The following LAMA2 variants were observed in gnomAD, a reference collection of about 807,000 sequenced individuals.
LAMA2 encodes the protein laminin subunit alpha-2.
In LAMA2, 269 loss-of-function variants were observed where a neutral mutation model predicts 364.8. The ratio of observed to expected loss-of-function variants is 0.74; its 90% CI spans 0.67 to 0.82. The LOEUF is 0.82. LAMA2 is among the 40% of genes least tolerant of loss of function. The probability of loss-of-function intolerance (pLI) is 0.00; values close to 1 mark genes in which losing one functional copy is unlikely to be tolerated. For missense variants in LAMA2, 3,807 were observed against 3,873.2 expected (o/e 0.98, Z 0.45); for synonymous variants, 1,379 against 1,370.6 (o/e 1.01, Z -0.14).
At chr6:129,407,689 G>A (rs1052890509) in intron 40 of LAMA2, among the ~76,000 whole-genome samples, 7 of 152,262 alleles carry the variant, frequency 4.6e-5, no homozygotes, top group South Asian at 2.1e-4. Context: ...GCACCTCAGC[G>A]GGTCATGGCT....
At chr6:129,159,063 G>T in intron 8 of LAMA2, 2 of 1,580,384 alleles carry the variant, frequency 1.3e-6, no homozygotes, top group Non-Finnish European at 1.7e-6. Flanking sequence ...CCTTGAACAC[G>T]AGAAATGATG....
intron 2 of LAMA2, among the ~76,000 whole-genome samples, chr6:129,057,302 C>T (rs1382991777): frequency 2.2e-4 from 33 of 152,196 alleles, no homozygotes; most frequent in Non-Finnish European, 1.5e-5. Flanking sequence ...AAGATGTTCT[C>T]ACTGGTCCGT....
intron 32 of LAMA2, among the ~76,000 whole-genome samples, chr6:129,356,246 C>T (rs1340470535): frequency 6.6e-6 from 1 of 152,114 alleles, no homozygotes; most frequent in Non-Finnish European, 1.5e-5. Flanking sequence ...TTAGACATCA[C>T]AGTCTCTCAT....
At chr6:129,274,516 T>C (rs1056961147) in intron 17 of LAMA2, among the ~76,000 whole-genome samples, 3 of 151,992 alleles carry the variant, frequency 2.0e-5, no homozygotes, top group African/African-American at 7.2e-5. Context: ...TAATCCCTGG[T>C]CATAAATCTT....
chr6:129,200,203 C>T (rs1422485804), intron 12 of LAMA2, among the ~76,000 whole-genome samples: 1 of 135,906 alleles, frequency 7.4e-6, no homozygotes, highest in East Asian at 2.4e-4. Context: ...TACATGTACA[C>T]ATATACATGT....
chr6:129,245,250 A>G (rs889990791), intron 12 of LAMA2, among the ~76,000 whole-genome samples: 2 of 152,168 alleles, frequency 1.3e-5, no homozygotes, highest in African/African-American at 4.8e-5. Context: ...AAAGAGATAT[A>G]ATTTTCATCC....
At chr6:129,510,743 G>T (rs1786507353) in intron 62 of LAMA2, among the ~76,000 whole-genome samples, 1 of 152,054 alleles carries the variant, frequency 6.6e-6, no homozygotes, top group Non-Finnish European at 1.5e-5. Context: ...CAGCATTTGA[G>T]CAAGGCTTCA....
chr6:129,436,313 A>C (rs1781830994), intron 41 of LAMA2, among the ~76,000 whole-genome samples: 1 of 152,118 alleles, frequency 6.6e-6, no homozygotes, highest in African/African-American at 2.4e-5. Context: ...ACCATGCCAA[A>C]TGCTTGTATA....
chr6:128,934,433 A>T (rs533247411), intron 1 of LAMA2, among the ~76,000 whole-genome samples: 29 of 152,208 alleles, frequency 1.9e-4, no homozygotes, highest in Non-Finnish European at 3.5e-4. Context: ...GTGATTTCAT[A>T]TGAATTTTAA....
chr6:129,260,004 G>A (rs1386028558), intron 14 of LAMA2, among the ~76,000 whole-genome samples: 1 of 152,114 alleles, frequency 6.6e-6, no homozygotes, highest in African/African-American at 2.4e-5. Flanking sequence ...GTGTGTGACA[G>A]CATTTTTTTC....
chr6:129,020,102 GAAA>G (rs57907508), intron 1 of LAMA2, among the ~76,000 whole-genome samples: 287 of 134,172 alleles, frequency 2.1e-3, no homozygotes, highest in Middle Eastern at 7.6e-3. Context: ...GAAAAAAAAA[GAAA>G]AAAAAAAAAA....
intron 39 of LAMA2, 74 bp downstream of exon 39, chr6:129,402,561 G>C: frequency 7.1e-7 from 1 of 1,405,612 alleles, no homozygotes; most frequent in Non-Finnish European, 1.0e-6. Flanking sequence ...ATAAATAGTA[G>C]AGAATCATTT....
At chr6:129,105,420 C>T (rs1276885313) in intron 4 of LAMA2, among the ~76,000 whole-genome samples, 1 of 152,106 alleles carries the variant, frequency 6.6e-6, no homozygotes, top group Non-Finnish European at 1.5e-5. Flanking sequence ...CACCTAGGAG[C>T]ATTTGAAAAA....
intron 1 of LAMA2, among the ~76,000 whole-genome samples, chr6:128,997,569 T>A (rs1182588332): frequency 6.6e-6 from 1 of 151,372 alleles, no homozygotes; most frequent in Non-Finnish European, 1.5e-5. Context: ...CTGAGGCAGG[T>A]GGATCACTTG....
chr6:129,285,490 T>A (rs1346832168), intron 18 of LAMA2, among the ~76,000 whole-genome samples: 1 of 152,130 alleles, frequency 6.6e-6, no homozygotes, highest in Admixed American at 6.5e-5. Context: ...CTATCTAAGT[T>A]AAGAAAAATT....
chr6:129,456,249 C>A (rs1016004395), intron 47 of LAMA2, 86 bp from the exon 48 acceptor site: 7 of 1,320,180 alleles, frequency 5.3e-6, no homozygotes, highest in Non-Finnish European at 7.7e-6. Context: ...CATTTTATAT[C>A]TTTTAAATCT....
chr6:129,104,625 T>G (rs1262995751), intron 4 of LAMA2, among the ~76,000 whole-genome samples: 1 of 152,206 alleles, frequency 6.6e-6, no homozygotes, highest in Non-Finnish European at 1.5e-5. Context: ...AATACTGCCC[T>G]ATGTTCATAT....
chr6:128,967,810 T>C (rs894911970), intron 1 of LAMA2, among the ~76,000 whole-genome samples: 1 of 152,160 alleles, frequency 6.6e-6, no homozygotes, highest in African/African-American at 2.4e-5. Flanking sequence ...TTCTATTAAT[T>C]ACACCTCAGA....
At chr6:128,978,761 A>G (rs1179979037) in intron 1 of LAMA2, among the ~76,000 whole-genome samples, 1 of 152,264 alleles carries the variant, frequency 6.6e-6, no homozygotes, top group African/African-American at 2.4e-5. Flanking sequence ...CAAGATAGAC[A>G]GCAGTCAGTA....
Sources: gnomAD v4.1 joint callset for allele counts (sites outside exome capture counted in the v4.1 genomes callset) on GRCh38, gnomAD v4.1.1 for gene constraint, MANE v1.5 for transcripts, NCBI Gene and HGNC (gene_info 2026-07-23, HGNC 2026-07-21) for gene names.